The following SEC22A variants were observed in gnomAD, a reference collection of about 807,000 sequenced individuals.
The protein encoded by SEC22A is vesicle-trafficking protein SEC22a.
A neutral mutation model predicts 35.3 loss-of-function variants in SEC22A; 22 were observed. The observed-to-expected ratio is 0.62, with a 90% CI of 0.45 to 0.89. The LOEUF is 0.89. SEC22A is among the 40% of genes least tolerant of loss of function. The pLI, the probability that SEC22A is intolerant of heterozygous loss-of-function variation, is 0.00. For synonymous variants in SEC22A, 119 were observed against 129.5 expected (o/e 0.92, Z 0.55); for missense variants, 354 against 362.5 (o/e 0.98, Z 0.19).
chr3:123,209,044 C>T (rs1051780971), intron 1 of SEC22A, 155 bp from the exon 2 acceptor site: 1 of 549,286 alleles, frequency 1.8e-6, no homozygotes, highest in Non-Finnish European at 3.3e-6. Flanking sequence ...CCACCCTCCT[C>T]AGCCACCCAA....
intron 2 of SEC22A, among the ~76,000 whole-genome samples, chr3:123,216,154 C>T (rs1937018868): frequency 6.6e-6 from 1 of 152,134 alleles, no homozygotes; most frequent in African/African-American, 2.4e-5. Flanking sequence ...GGCCTAGGAA[C>T]CTAATTACTG....
chr3:123,260,795 A>T (rs1937874464), intron 6 of SEC22A, among the ~76,000 whole-genome samples: 1 of 151,410 alleles, frequency 6.6e-6, no homozygotes. Context: ...TAGACATTTT[A>T]GTTCCAGTGG....
intron 4 of SEC22A, among the ~76,000 whole-genome samples, chr3:123,234,276 A>G (rs1382991568): frequency 6.6e-6 from 1 of 152,198 alleles, no homozygotes; most frequent in East Asian, 1.9e-4. Flanking sequence ...AGGTGATCCT[A>G]AAATTCATAT....
rs112495489 is a variant in SEC22A at position 123,269,927 on chromosome 3, T to C, written c.724-1595T>C. On this transcript the variant is annotated intron_variant, in intron 6 of 6. Transcript: ENST00000492595. ...GATTACAGGTGTGAGCCACCATGCC[T>C]GGCCAAAAATTTTTTTAAAAAAAGA... is the stretch of plus-strand genomic sequence containing the variant. Among the ~76,000 whole-genome samples, 617 of 111,324 alleles carry C rather than the reference T, an allele frequency of 5.5e-3. 1 individual carries two copies. The highest frequency in any genetic ancestry group is 0.019 in the African/African-American group (585 of 31,168). 73.0% of individuals were successfully genotyped at this position (111,324 alleles called of 152,430 possible). A position where few individuals can be genotyped will look rare whatever the true frequency, so the allele number is the denominator to read the frequency against.
chr3:123,231,693 T>C (rs756458918), intron 4 of SEC22A, among the ~76,000 whole-genome samples: 9 of 152,198 alleles, frequency 5.9e-5, no homozygotes, highest in Non-Finnish European at 1.0e-4. Context: ...GAGGAAAATT[T>C]ATCGCTGTAA....
chr3:123,260,078 G>A (rs868465918), intron 6 of SEC22A, among the ~76,000 whole-genome samples: 5 of 133,986 alleles, frequency 3.7e-5, no homozygotes, highest in Admixed American at 1.8e-4. Context: ...GTTGCAGTGA[G>A]CCAAGATCGC....
chr3:123,267,368 G>T (rs903731993), intron 6 of SEC22A, among the ~76,000 whole-genome samples: 10 of 149,446 alleles, frequency 6.7e-5, no homozygotes, highest in African/African-American at 2.5e-4. Context: ...ATTTTTTAGT[G>T]TATCTATTTG....
intron 5 of SEC22A, among the ~76,000 whole-genome samples, chr3:123,259,274 T>C (rs889364891): frequency 1.8e-4 from 27 of 152,168 alleles, no homozygotes; most frequent in African/African-American, 6.5e-4. Context: ...CCAGTGGTTT[T>C]CCTCTTTTGA....
At chr3:123,257,102 G>T (rs532053332) in intron 5 of SEC22A, among the ~76,000 whole-genome samples, 95 of 152,126 alleles carry the variant, frequency 6.2e-4, no homozygotes, top group African/African-American at 2.1e-3. Flanking sequence ...AAAGTACCTG[G>T]TTTGTAAATG....
In SEC22A at chr3:123,271,609, T is replaced by C. The variant is rs1938163172; in HGVS notation, c.811T>C (p.Tyr271His). ...GLICLCNMYL[Y>H]ELRNLWQLFF... is the part of the protein sequence containing the mutation. ...AATCTGTCTATGCAACATGTATCTCTATGAACTGCGCAACCTCTGGCAGCT... is the reference window on the plus strand; with the variant it reads ...AATCTGTCTATGCAACATGTATCTCCATGAACTGCGCAACCTCTGGCAGCT... The change falls in exon 7 of 7, where the codon TAT becomes CAT. Residue 271 changes from tyrosine (Y) to histidine (H), a missense_variant. Coordinates refer to ENST00000492595, the MANE Select transcript of SEC22A (RefSeq NM_012430.5). 12 of 1,613,412 alleles carry C rather than the reference T, an allele frequency of 7.4e-6. No homozygotes were observed. Among genetic ancestry groups the C allele is most frequent in the Non-Finnish European group, 9.3e-6 (11 of 1,179,262 alleles).
intron 2 of SEC22A, among the ~76,000 whole-genome samples, chr3:123,212,424 T>C (rs964633735): frequency 3.3e-5 from 5 of 152,162 alleles, no homozygotes; most frequent in Non-Finnish European, 7.4e-5. Context: ...GGGTCATTAT[T>C]CTGAGTTTTA....
chr3:123,236,840 C>G (rs1273525606), intron 4 of SEC22A, among the ~76,000 whole-genome samples: 7 of 151,614 alleles, frequency 4.6e-5, no homozygotes, highest in Non-Finnish European at 1.0e-4. Flanking sequence ...CACACATATG[C>G]ACGATCTGAT....
intron 5 of SEC22A, among the ~76,000 whole-genome samples, chr3:123,250,404 C>A (rs907486537): frequency 4.8e-5 from 7 of 146,844 alleles, no homozygotes; most frequent in African/African-American, 1.8e-4. Flanking sequence ...AGTGAGACTC[C>A]GTCTCAAAAA....
chr3:123,257,995 G>GAAAAAAAAAAAAAA lies in SEC22A; in HGVS notation c.658-1516_658-1515insAAAAAAAAAAAAAA, dbSNP rs61068587. Among the ~76,000 whole-genome samples the GAAAAAAAAAAAAAA allele has an allele frequency of 4.0e-4, 45 of 111,488 alleles. 1 individual carries two copies. In the East Asian group the frequency reaches 5.6e-3, roughly 14 times the overall value. 73.1% of individuals were successfully genotyped at this position (111,488 alleles called of 152,430 possible). A position where few individuals can be genotyped will look rare whatever the true frequency, so the allele number is the denominator to read the frequency against. On this transcript the variant is annotated intron_variant, in intron 5 of 6. Coordinates refer to ENST00000492595, the MANE Select transcript of SEC22A (RefSeq NM_012430.5). ...TGACAGAGCAAGACTCCATCTCATT[G>GAAAAAAAAAAAAAA]AAAAAAAAAAAAAGGAAGGAAGGAA...
intron 6 of SEC22A, among the ~76,000 whole-genome samples, chr3:123,260,725 C>T (rs889691095): frequency 7.2e-5 from 11 of 152,026 alleles, no homozygotes. Context: ...ACCTAAAGTT[C>T]AGTGGACGTC....
chr3:123,263,600 T>C (rs1435973681), intron 6 of SEC22A, among the ~76,000 whole-genome samples: 1 of 151,902 alleles, frequency 6.6e-6, no homozygotes, highest in Non-Finnish European at 1.5e-5. Flanking sequence ...CACTGCAATC[T>C]CCACTTCCCA....
chr3:123,241,002 T>C (rs1191557199), intron 4 of SEC22A, among the ~76,000 whole-genome samples: 24 of 142,572 alleles, frequency 1.7e-4, no homozygotes, highest in African/African-American at 4.5e-4. Flanking sequence ...CTCTCTTTCT[T>C]ACACACACAC....
At chr3:123,217,450 T>C (rs899894767) in intron 2 of SEC22A, among the ~76,000 whole-genome samples, 3 of 151,936 alleles carry the variant, frequency 2.0e-5, no homozygotes, top group Admixed American at 2.0e-4. Flanking sequence ...CCTGACCTCA[T>C]GATCTGCCCT....
At chr3:123,225,414 G>T in intron 4 of SEC22A, 117 bp downstream of exon 4, 1 of 547,458 alleles carries the variant, frequency 1.8e-6, no homozygotes, top group Non-Finnish European at 3.0e-6. Flanking sequence ...AGAGAATATA[G>T]AAGTTCAAAG....
Sources: allele counts gnomAD v4.1 joint callset (sites outside exome capture counted in the v4.1 genomes callset), GRCh38; gene constraint gnomAD v4.1.1; transcripts MANE v1.5; gene names NCBI Gene and HGNC (gene_info 2026-07-23, HGNC 2026-07-21).